The following KMT2E variants were observed in gnomAD, a reference collection of about 807,000 sequenced individuals.
KMT2E encodes lysine methyltransferase 2E (inactive).
KMT2E carries 30 observed loss-of-function variants against 184.6 expected under a neutral mutation model. The ratio of observed to expected loss-of-function variants is 0.16; its 90% CI spans 0.12 to 0.22. KMT2E has a LOEUF of 0.22. Among genes scored for constraint, KMT2E ranks in the 10% least tolerant of loss-of-function variants. The probability of loss-of-function intolerance (pLI) is 1.00; values close to 1 mark genes in which losing one functional copy is unlikely to be tolerated. For synonymous variants in KMT2E, 815 were observed against 776.5 expected (o/e 1.05, Z -0.82); for missense variants, 2,023 against 2,237.4 (o/e 0.90, Z 1.93).
At chr7:105,076,552 GAATT>G (rs1797533362) in intron 9 of KMT2E, among the ~76,000 whole-genome samples, 1 of 152,172 alleles carries the variant, frequency 6.6e-6, no homozygotes, top group Non-Finnish European at 1.5e-5. Flanking sequence ...AAAGTATCTT[GAATT>G]AATTAATGTA....
intron 13 of KMT2E, among the ~76,000 whole-genome samples, chr7:105,087,119 G>A (rs1210809263): frequency 1.4e-5 from 2 of 146,770 alleles, no homozygotes; most frequent in African/African-American, 5.0e-5. Context: ...TATGTGCTAT[G>A]TATGTGCTAA....
chr7:105,033,885 A>G (rs774410717), intron 1 of KMT2E, among the ~76,000 whole-genome samples: 25 of 152,178 alleles, frequency 1.6e-4, no homozygotes, highest in Non-Finnish European at 2.4e-4. Flanking sequence ...CAAAAGGGAA[A>G]TGGGCACGTG....
intron 12 of KMT2E, 44 bp downstream of exon 12, chr7:105,079,007 T>C: frequency 9.7e-7 from 1 of 1,030,180 alleles, no homozygotes. Context: ...GTGCTGGGGG[T>C]GTGTTGGAAT....
chr7:105,106,077 T>A lies in KMT2E; in HGVS notation c.2596+74T>A. On this transcript the variant is annotated intron_variant, in intron 19 of 26. Transcript: ENST00000311117. ...ACATACAGCTTTATAACAGGCATAT[T>A]TCTAGTTACTGGTATGCACTTTAGA... 2.3e-6 allele frequency: 3 copies of A among 1,278,980 alleles called. No individual in the cohort carries two copies. In the South Asian group the frequency reaches 4.2e-5, roughly 18 times the overall value. The allele number at this position is 1,278,980 out of a possible 1,614,324, so 79.2% of individuals were successfully genotyped here.
chr7:105,051,756 C>G (rs557998912), intron 3 of KMT2E, among the ~76,000 whole-genome samples: 1 of 151,624 alleles, frequency 6.6e-6, no homozygotes. Context: ...GTAGATGGGA[C>G]TACAGGTGCG....
intron 13 of KMT2E, among the ~76,000 whole-genome samples, chr7:105,084,524 G>A (rs536148506): frequency 6.6e-6 from 1 of 152,164 alleles, no homozygotes; most frequent in South Asian, 2.1e-4. Context: ...CTACTCGGGA[G>A]GCTGAGGCAG....
At chr7:105,111,745 A>G (rs1799293860) in intron 26 of KMT2E, 80 bp from the exon 27 acceptor site, 6 of 1,432,068 alleles carry the variant, frequency 4.2e-6, no homozygotes, top group African/African-American at 1.4e-5. Flanking sequence ...ATATTTAGGT[A>G]GTATTAAATA....
intron 23 of KMT2E, 62 bp from the exon 24 acceptor site, chr7:105,110,218 A>G (rs1799151805): frequency 3.1e-6 from 4 of 1,301,374 alleles, no homozygotes; most frequent in Middle Eastern, 1.8e-4. Context: ...TTGACTATGA[A>G]GCAACAATGT....
At chr7:105,111,740 T>C in intron 26 of KMT2E, 85 bp from the exon 27 acceptor site, 1 of 1,420,762 alleles carries the variant, frequency 7.0e-7, no homozygotes, top group Non-Finnish European at 9.5e-7. Context: ...AATTAATATT[T>C]AGGTAGTATT....
At chr7:105,051,437 G>A (rs957156717) in intron 3 of KMT2E, among the ~76,000 whole-genome samples, 2 of 151,736 alleles carry the variant, frequency 1.3e-5, no homozygotes, top group African/African-American at 4.8e-5. Context: ...CGCCCGCCTC[G>A]GCCTACCAAA....
intron 1 of KMT2E, among the ~76,000 whole-genome samples, chr7:105,032,316 C>T (rs778801944): frequency 2.6e-5 from 4 of 151,972 alleles, no homozygotes; most frequent in Non-Finnish European, 5.9e-5. Context: ...TGGTGGCAGA[C>T]ACCTGTATTC....
chr7:105,112,788 C>CCT lies in KMT2E; in HGVS notation c.5033_5034insTC (p.Pro1680HisfsTer33). On this transcript the variant is annotated frameshift_variant, in exon 27 of 27. Transcript: ENST00000311117. LOFTEE classifies it high-confidence loss of function. ...TTCTCAAACTGCTGGACACCACTTA[C>CCT]CCCCACCCCCACCCCCTCCTGGTCC... The CCT allele has an allele frequency of 3.8e-6, 6 of 1,580,908 alleles. No individual in the cohort carries two copies. The highest frequency in any genetic ancestry group is 3.4e-6 in the Non-Finnish European group (4 of 1,161,130).
In KMT2E at chr7:105,106,604, C is replaced by T. The variant is rs747378591; in HGVS notation, c.2679C>T (p.Ser893=). 1 of 1,613,894 alleles carries T rather than the reference C, an allele frequency of 6.2e-7. No homozygotes were observed. Among genetic ancestry groups the T allele is most frequent in the African/African-American group, 1.3e-5 (1 of 74,916 alleles). ...CAGAAACCTCCACACCTACTCCTTC[C>T]CCGTATGCTACACCAACTCACACCG... ...VYSETSTPTP[S]PYATPTHTDI... is the part of the protein sequence containing the mutation. The change falls in exon 20 of 27, where the codon TCC becomes TCT. Residue 893 remains serine (S), a synonymous_variant. Coordinates refer to ENST00000311117, the MANE Select transcript of KMT2E (RefSeq NM_182931.3).
rs200874687 is a variant in KMT2E at position 105,071,920 on chromosome 7, CTA to C, written c.498-1697_498-1696del. ...TTCTCTTACTTTGAGTGAGGTGTCTCTATGTGGTTTTGTTTCCCTTTGATAGT... is the reference window on the plus strand; with the variant it reads ...TTCTCTTACTTTGAGTGAGGTGTCTCTGTGGTTTTGTTTCCCTTTGATAGT... On this transcript the variant is annotated intron_variant, in intron 6 of 26. Transcript: ENST00000311117. Among the ~76,000 whole-genome samples the C allele has an allele frequency of 6.8e-3, 1,029 of 152,008 alleles. 14 individuals are homozygous for C. The highest frequency in any genetic ancestry group is 0.024 in the African/African-American group (988 of 41,466).
intron 14 of KMT2E, among the ~76,000 whole-genome samples, chr7:105,090,972 C>A (rs1798178453): frequency 6.6e-6 from 1 of 152,064 alleles, no homozygotes; most frequent in Non-Finnish European, 1.5e-5. Flanking sequence ...TAAGGCCATG[C>A]TACCATATTT....
At chr7:105,078,597 A>T (rs536094013) in intron 11 of KMT2E, among the ~76,000 whole-genome samples, 2 of 140,354 alleles carry the variant, frequency 1.4e-5, no homozygotes, top group Non-Finnish European at 3.0e-5. Context: ...GGCTCAGGTG[A>T]TCCTCCCACC....
At chr7:105,099,142 T>G (rs779066554) in intron 15 of KMT2E, among the ~76,000 whole-genome samples, 1 of 152,206 alleles carries the variant, frequency 6.6e-6, no homozygotes, top group Non-Finnish European at 1.5e-5. Flanking sequence ...TCAGGCACGT[T>G]TATGTTCCAA....
At chr7:105,048,735 C>G (rs1166107816) in intron 3 of KMT2E, among the ~76,000 whole-genome samples, 2 of 152,210 alleles carry the variant, frequency 1.3e-5, no homozygotes, top group Non-Finnish European at 2.9e-5. Flanking sequence ...CTACTCAGCT[C>G]TGGTCTTGCA....
intron 12 of KMT2E, among the ~76,000 whole-genome samples, chr7:105,079,537 T>C (rs867611651): frequency 0.027 from 3,740 of 137,424 alleles, 15 homozygotes; most frequent in Non-Finnish European, 0.042. Flanking sequence ...TTTTTTTTTT[T>C]TTTTGAGGCA....
Sources: allele counts gnomAD v4.1 joint callset (sites outside exome capture counted in the v4.1 genomes callset), GRCh38; gene constraint gnomAD v4.1.1; transcripts MANE v1.5; gene names NCBI Gene and HGNC (gene_info 2026-07-23, HGNC 2026-07-21).